The following LCA5 variants were observed in gnomAD, a reference collection of about 807,000 sequenced individuals.
LCA5 encodes the protein lebercilin LCA5, also known as lebercilin.
Under a neutral mutation model 53.0 loss-of-function variants are expected in LCA5, and 37 were observed. That is an observed-to-expected ratio of 0.70 (90% CI 0.54 to 0.92). The LOEUF is 0.92. Ranked by LOEUF, LCA5 falls within the 40% of genes least tolerant of loss-of-function variation. LCA5 has a pLI of 0.00. For missense variants in LCA5, 806 were observed against 790.5 expected, an observed-to-expected ratio of 1.02 and a Z score of -0.23; for synonymous variants, 303 against 282.9, an observed-to-expected ratio of 1.07 and a Z score of -0.71.
At chr6:79,511,364 G>A (rs1023496666) in intron 3 of LCA5, among the ~76,000 whole-genome samples, 3 of 152,146 alleles carry the variant, frequency 2.0e-5, no homozygotes, top group African/African-American at 7.2e-5. Context: ...ATCTGCTAAT[G>A]TCAAAAGGTT....
At chr6:79,508,651 T>C (rs1047776867) in intron 3 of LCA5, among the ~76,000 whole-genome samples, 2 of 151,416 alleles carry the variant, frequency 1.3e-5, no homozygotes, top group East Asian at 3.9e-4. Flanking sequence ...CACCACCACA[T>C]AGACAAGTAT....
chr6:79,523,075 G>A (rs963615936), intron 1 of LCA5, among the ~76,000 whole-genome samples: 1 of 151,974 alleles, frequency 6.6e-6, no homozygotes. Flanking sequence ...GAAGACTTTT[G>A]AATTAATTAT....
chr6:79,504,380 G>A (rs1485176836), intron 3 of LCA5, among the ~76,000 whole-genome samples: 2 of 152,148 alleles, frequency 1.3e-5, no homozygotes, highest in East Asian at 3.9e-4. Flanking sequence ...TCACAAACTG[G>A]GCAGCAACTA....
chr6:79,491,365 G>A (rs570548781), intron 6 of LCA5, among the ~76,000 whole-genome samples: 1 of 152,182 alleles, frequency 6.6e-6, no homozygotes, highest in Admixed American at 6.5e-5. Flanking sequence ...TGCCATGCTG[G>A]TGTGCTGCAC....
chr6:79,504,135 A>G (rs1036897592), intron 3 of LCA5, among the ~76,000 whole-genome samples: 1 of 152,206 alleles, frequency 6.6e-6, no homozygotes, highest in African/African-American at 2.4e-5. Flanking sequence ...ACTATCATCC[A>G]GTACCACTCT....
At chr6:79,511,782 T>C (rs1021036577) in intron 3 of LCA5, among the ~76,000 whole-genome samples, 13 of 152,162 alleles carry the variant, frequency 8.5e-5, no homozygotes, top group Admixed American at 2.6e-4. Context: ...GGATACAATA[T>C]GGTTAACTAC....
intron 1 of LCA5, among the ~76,000 whole-genome samples, chr6:79,529,380 G>A (rs1766886158): frequency 6.6e-6 from 1 of 152,176 alleles, no homozygotes; most frequent in Non-Finnish European, 1.5e-5. Flanking sequence ...AGCACTGGCA[G>A]CCAGCCTGCA....
At chr6:79,513,836 G>T in intron 2 of LCA5, 95 bp from the exon 3 acceptor site, 1 of 1,155,112 alleles carries the variant, frequency 8.7e-7, no homozygotes, top group Non-Finnish European at 1.3e-6. Flanking sequence ...ACATTCTTTA[G>T]TTATTTTTGT....
At chr6:79,529,419 C>G (rs112110647) in intron 1 of LCA5, among the ~76,000 whole-genome samples, 1 of 152,070 alleles carries the variant, frequency 6.6e-6, no homozygotes, top group Non-Finnish European at 1.5e-5. Flanking sequence ...GCTCATGCAC[C>G]TAGAGGGTCA....
intron 1 of LCA5, among the ~76,000 whole-genome samples, chr6:79,528,555 T>A (rs1339484996): frequency 6.6e-6 from 1 of 152,140 alleles, no homozygotes; most frequent in Non-Finnish European, 1.5e-5. Context: ...ACCAAAAAGA[T>A]GTAACAAATT....
intron 2 of LCA5, among the ~76,000 whole-genome samples, chr6:79,514,396 C>T (rs975336776): frequency 3.3e-5 from 5 of 151,996 alleles, no homozygotes; most frequent in African/African-American, 1.2e-4. Context: ...GAAAAAGGAT[C>T]GCATATACAC....
At chr6:79,514,251 T>A (rs752172559) in intron 2 of LCA5, among the ~76,000 whole-genome samples, 2 of 152,176 alleles carry the variant, frequency 1.3e-5, no homozygotes, top group Non-Finnish European at 2.9e-5. Flanking sequence ...GCCATAAGTA[T>A]GTCTTCTTTT....
At chr6:79,528,516 G>A (rs766269386) in intron 1 of LCA5, among the ~76,000 whole-genome samples, 1 of 152,030 alleles carries the variant, frequency 6.6e-6, no homozygotes, top group Non-Finnish European at 1.5e-5. Flanking sequence ...CATTCCATAA[G>A]ATACCCAAAA....
At chr6:79,491,818 A>C in intron 5 of LCA5, 88 bp from the exon 6 acceptor site, 16 of 1,098,274 alleles carry the variant, frequency 1.5e-5, no homozygotes, top group Non-Finnish European at 2.2e-5. Flanking sequence ...ATATATATGC[A>C]TGTGTGTTTG....
intron 1 of LCA5, chr6:79,525,143 C>G (rs1244575534): frequency 6.6e-6 from 1 of 152,100 alleles, no homozygotes; most frequent in African/African-American, 2.4e-5. Context: ...TGTTTAAAGT[C>G]TCTTCTGATC....
chr6:79,496,017 G>A (rs1197160581), intron 3 of LCA5, among the ~76,000 whole-genome samples: 1 of 152,076 alleles, frequency 6.6e-6, no homozygotes, highest in Non-Finnish European at 1.5e-5. Flanking sequence ...CAAAAAAATG[G>A]AGGAAATATG....
chr6:79,531,875 G>A (rs1321597087), intron 1 of LCA5, among the ~76,000 whole-genome samples: 1 of 151,410 alleles, frequency 6.6e-6, no homozygotes, highest in Non-Finnish European at 1.5e-5. Context: ...GGAATACACA[G>A]GGCAGCACAT....
intron 3 of LCA5, among the ~76,000 whole-genome samples, chr6:79,499,728 G>A (rs1770079955): frequency 6.7e-6 from 1 of 149,486 alleles, no homozygotes; most frequent in Non-Finnish European, 1.5e-5. Context: ...AAGTTTTAGG[G>A]TACATGTGCA....
chr6:79,538,018 G>GTTTTTTT (rs869197362), upstream of LCA5, among the ~76,000 whole-genome samples: 79 of 44,164 alleles, frequency 1.8e-3, 18 homozygotes, highest in African/African-American at 2.3e-3. Flanking sequence ...TTGCACACAA[G>GTTTTTTT]TTTTTTTTTT....
Sources: allele counts gnomAD v4.1 joint callset (sites outside exome capture counted in the v4.1 genomes callset), GRCh38; gene constraint gnomAD v4.1.1; transcripts MANE v1.5; gene names NCBI Gene and HGNC (gene_info 2026-07-23, HGNC 2026-07-21).